PCDHA10: variants seen among roughly 807,000 people sequenced by gnomAD.
PCDHA10 encodes protocadherin alpha 10.
A neutral mutation model predicts 61.2 loss-of-function variants in PCDHA10; 45 were observed. The ratio of observed to expected loss-of-function variants is 0.74; its 90% CI spans 0.58 to 0.94. PCDHA10 has a LOEUF of 0.94. Among genes scored for constraint, PCDHA10 ranks in the 40% least tolerant of loss-of-function variants. PCDHA10 has a pLI of 0.00. For synonymous variants in PCDHA10, 602 were observed against 548.8 expected (o/e 1.10, Z -1.35); for missense variants, 1,278 against 1,236.2 (o/e 1.03, Z -0.51).
At chr5:140,911,088 C>T (rs1447899502) in intron 1 of PCDHA10, among the ~76,000 whole-genome samples, 3 of 152,092 alleles carry the variant, frequency 2.0e-5, no homozygotes, top group African/African-American at 7.2e-5. Flanking sequence ...ATTATCTTGC[C>T]TGGCAACTGC....
chr5:140,921,471 A>G (rs2080231314), intron 1 of PCDHA10, among the ~76,000 whole-genome samples: 1 of 152,182 alleles, frequency 6.6e-6, no homozygotes, highest in Non-Finnish European at 1.5e-5. Context: ...ACCACTACCA[A>G]ACCACTCTAC....
rs2098420803 is a variant in PCDHA10, at chr5:141,011,492, A to G, written c.*1555A>G. 1 of 153,698 alleles carries G rather than the reference A, an allele frequency of 6.5e-6. No individual in the cohort carries two copies. Among genetic ancestry groups the G allele is most frequent in the African/African-American group, 2.4e-5 (1 of 41,432 alleles). 9.5% of individuals were successfully genotyped at this position (153,698 alleles called of 1,614,324 possible). A position where few individuals can be genotyped will look rare whatever the true frequency, so the allele number is the denominator to read the frequency against. On this transcript the variant is annotated 3_prime_UTR_variant, in exon 4 of 4. Transcript: ENST00000307360. ...AATTCCATTATATTTCCTTTTGTAC[A>G]CCTGTGAAAAAGTGGAGTAGTGTTT... is the stretch of plus-strand genomic sequence containing the variant.
chr5:140,871,484 A>G, intron 1 of PCDHA10: 1 of 1,592,270 alleles, frequency 6.3e-7, no homozygotes, highest in Non-Finnish European at 8.6e-7. Context: ...GGGTCAAATC[A>G]CCCCGGACAG....
At chr5:140,917,262 T>C (rs1222739469) in intron 1 of PCDHA10, among the ~76,000 whole-genome samples, 1 of 151,720 alleles carries the variant, frequency 6.6e-6, no homozygotes, top group Middle Eastern at 3.2e-3. Context: ...CACCTGATGT[T>C]TGGTTTTTGT....
chr5:141,007,349 G>C (rs532404832), intron 3 of PCDHA10, among the ~76,000 whole-genome samples: 204 of 144,744 alleles, frequency 1.4e-3, no homozygotes, highest in Middle Eastern at 0.011. Flanking sequence ...TCAGGAGTTC[G>C]AGACCAGCCT....
At position 140,857,254 on chromosome 5, in the gene PCDHA10, TTAC is replaced by T; in HGVS notation, c.1211_1213del (p.Tyr404del). 6.3e-7 allele frequency: 1 copy of T among 1,598,512 alleles called. No homozygotes were observed. The highest frequency in any genetic ancestry group is 8.6e-7 in the Non-Finnish European group (1 of 1,167,936). ...TCAAGCTGGTGTCCACCTACAAGAA[TTAC>T]TACTCATTGGTGCTGGACAGCGCTC... On this transcript the variant is annotated inframe_deletion, in exon 1 of 4. Transcript: ENST00000307360.
At chr5:140,875,221 A>G (rs2055359390) in intron 1 of PCDHA10, 3 of 759,332 alleles carry the variant, frequency 4.0e-6, no homozygotes, top group South Asian at 3.3e-5. Flanking sequence ...AAAGAACCTC[A>G]GGATCTTTCT....
chr5:140,951,145 T>G (rs2094553191), intron 1 of PCDHA10, among the ~76,000 whole-genome samples: 1 of 100,698 alleles, frequency 9.9e-6, no homozygotes, highest in South Asian at 2.6e-4. Flanking sequence ...TTTATCTTAT[T>G]GAATATAGTT....
chr5:140,926,141 A>T (rs2082938262), intron 1 of PCDHA10, among the ~76,000 whole-genome samples: 1 of 152,038 alleles, frequency 6.6e-6, no homozygotes, highest in Non-Finnish European at 1.5e-5. Context: ...AGCAGGATCC[A>T]GCGCGGAAAG....
chr5:140,964,880 C>T (rs2095860447), intron 1 of PCDHA10, among the ~76,000 whole-genome samples: 1 of 152,168 alleles, frequency 6.6e-6, no homozygotes, highest in Admixed American at 6.5e-5. Context: ...TAAGAAGCAG[C>T]AGTGATAGGA....
At chr5:140,950,580 C>T (rs2094499075) in intron 1 of PCDHA10, among the ~76,000 whole-genome samples, 1 of 151,958 alleles carries the variant, frequency 6.6e-6, no homozygotes, top group South Asian at 2.1e-4. Context: ...TTTCTACTTA[C>T]CTTTGGTTTA....
At position 140,947,211 on chromosome 5, in the gene PCDHA10, T is replaced by A. The variant is rs562676640; in HGVS notation, c.2389-31738T>A. Among the ~76,000 whole-genome samples, 51 of 151,298 alleles carry A rather than the reference T, an allele frequency of 3.4e-4. 1 individual carries two copies. In the South Asian group the frequency reaches 0.011, roughly 32 times the overall value. On this transcript the variant is annotated intron_variant, in intron 1 of 3. Transcript: ENST00000307360. ...ACTACACAGCCTTAAAAAAAGAAAA[T>A]CCTGTCATTTATGACAGGAAAAAAA...
At chr5:140,881,469 T>C (rs879988017) in intron 1 of PCDHA10, 3 of 570,626 alleles carry the variant, frequency 5.3e-6, no homozygotes, top group Non-Finnish European at 6.7e-6. Context: ...AGCATTGTTG[T>C]GGCTAAATTA....
chr5:140,950,981 TG>T (rs1443074941), intron 1 of PCDHA10, among the ~76,000 whole-genome samples: 1 of 152,138 alleles, frequency 6.6e-6, no homozygotes, highest in East Asian at 1.9e-4. Context: ...CATTGACTTT[TG>T]CCTCTTTTAG....
Position 141,012,065 on chromosome 5 carries a change from T to G in PCDHA10, c.*2128T>G, listed in dbSNP as rs2098422876. The G allele has an allele frequency of 6.5e-6, 1 of 153,794 alleles. No individual in the cohort carries two copies. Among genetic ancestry groups the G allele is most frequent in the Non-Finnish European group, 1.5e-5 (1 of 68,044 alleles). The allele number at this position is 153,794 out of a possible 1,614,324, so 9.5% of individuals were successfully genotyped here. A position where few individuals can be genotyped will look rare whatever the true frequency, so the allele number is the denominator to read the frequency against. ...GGGTAAAACTTGTTACCAACACATGTGAACCATTGCTACATTGTAGGTTGT... is the reference window on the plus strand; with the variant it reads ...GGGTAAAACTTGTTACCAACACATGGGAACCATTGCTACATTGTAGGTTGT... On this transcript the variant is annotated 3_prime_UTR_variant, in exon 4 of 4. Transcript: ENST00000307360.
chr5:140,955,006 C>T (rs1304080416), intron 1 of PCDHA10, among the ~76,000 whole-genome samples: 1 of 152,154 alleles, frequency 6.6e-6, no homozygotes, highest in African/African-American at 2.4e-5. Flanking sequence ...AGCCAATTCT[C>T]CCAGCACCAT....
chr5:140,876,029 A>C, intron 1 of PCDHA10: 1 of 1,613,700 alleles, frequency 6.2e-7, no homozygotes, highest in Non-Finnish European at 8.5e-7. Context: ...AAAACAAAAA[A>C]AGATAAAAGT....
At chr5:140,950,131 C>G (rs1030150193) in intron 1 of PCDHA10, among the ~76,000 whole-genome samples, 6 of 151,858 alleles carry the variant, frequency 4.0e-5, no homozygotes, top group Non-Finnish European at 7.4e-5. Flanking sequence ...CCACAAGACA[C>G]AGTTATAATT....
chr5:140,887,624 GT>G (rs1369272233), intron 1 of PCDHA10, among the ~76,000 whole-genome samples: 1 of 151,558 alleles, frequency 6.6e-6, no homozygotes, highest in Non-Finnish European at 1.5e-5. Flanking sequence ...TTTTCTTTAT[GT>G]TAGTCTGTTG....
Sources: gnomAD v4.1 joint callset for allele counts (sites outside exome capture counted in the v4.1 genomes callset) on GRCh38, gnomAD v4.1.1 for gene constraint, MANE v1.5 for transcripts, NCBI Gene and HGNC (gene_info 2026-07-23, HGNC 2026-07-21) for gene names.